RIPOR3: variants seen among roughly 807,000 people sequenced by gnomAD.
RIPOR3 encodes RIPOR family member 3.
Under a neutral mutation model 114.3 loss-of-function variants are expected in RIPOR3, and 95 were observed. The observed-to-expected ratio is 0.83, with a 90% CI of 0.70 to 0.99. RIPOR3 has a LOEUF of 0.99. RIPOR3 is among the 50% of genes least tolerant of loss of function. The pLI is 0.00. For synonymous variants in RIPOR3, 575 were observed against 543.8 expected, an observed-to-expected ratio of 1.06 and a Z score of -0.80; for missense variants, 1,252 against 1,266.9, an observed-to-expected ratio of 0.99 and a Z score of 0.18.
chr20:50,649,091 A>G (rs1209525854), intron 1 of RIPOR3, among the ~76,000 whole-genome samples: 1 of 152,154 alleles, frequency 6.6e-6, no homozygotes, highest in East Asian at 1.9e-4. Flanking sequence ...CTGTTGTCCC[A>G]TGGTGCTTCC....
At chr20:50,651,963 A>G (rs376196037) in intron 1 of RIPOR3, among the ~76,000 whole-genome samples, 1 of 152,222 alleles carries the variant, frequency 6.6e-6, no homozygotes, top group South Asian at 2.1e-4. Flanking sequence ...GTTATTGTGG[A>G]CATGGCGGGG....
chr20:50,617,330 G>A (rs886898491), intron 3 of RIPOR3, among the ~76,000 whole-genome samples: 6 of 152,114 alleles, frequency 3.9e-5, no homozygotes, highest in Non-Finnish European at 7.4e-5. Flanking sequence ...TGGGAAGAAG[G>A]GGCTGCCTTG....
At chr20:50,597,417 G>T in intron 14 of RIPOR3, 163 bp downstream of exon 14, 2 of 1,035,156 alleles carry the variant, frequency 1.9e-6, no homozygotes, top group Middle Eastern at 3.2e-4. Context: ...GGCAAGTGGG[G>T]GATGTGCGGG....
Position 50,619,993 on chromosome 20 carries a change from C to G in RIPOR3, c.262G>C (p.Gly88Arg), listed in dbSNP as rs769797875. Reference sequence around the variant, plus strand: ...CACACAGCCCAGCCTTACTTGAGGCCTCTTTTCAATGCTTCGAAGATCTTC... The same window carrying G: ...CACACAGCCCAGCCTTACTTGAGGCGTCTTTTCAATGCTTCGAAGATCTTC... ...VKKIFEALKR[G>R]LKEYLCVQQA... The change falls in exon 3 of 22, where the codon GGC (glycine) becomes CGC (arginine). Residue 88 changes from glycine (G) to arginine (R), a missense_variant. Physicochemically the swap from Gly to Arg is moderately radical, Grantham distance 125 (BLOSUM62 -2). Transcript: ENST00000327979. 5.6e-6 allele frequency: 9 copies of G among 1,611,750 alleles called. No individual in the cohort carries two copies. The highest frequency in any genetic ancestry group is 6.8e-6 in the Non-Finnish European group (8 of 1,178,026).
At chr20:50,651,969 C>T (rs113028680) in intron 1 of RIPOR3, among the ~76,000 whole-genome samples, 3,830 of 152,284 alleles carry the variant, frequency 0.025, 54 homozygotes, top group Middle Eastern at 0.078. Flanking sequence ...GTGGACATGG[C>T]GGGGCAAAGA....
intron 13 of RIPOR3, 93 bp from the exon 14 acceptor site, chr20:50,597,803 TGTCCCG>T: frequency 6.7e-7 from 1 of 1,500,598 alleles, no homozygotes; most frequent in Non-Finnish European, 8.9e-7. Flanking sequence ...ACTTGGGCAA[TGTCCCG>T]GTCCCAAGCC....
At chr20:50,647,004 G>GT (rs1439044139) in intron 1 of RIPOR3, among the ~76,000 whole-genome samples, 1 of 152,138 alleles carries the variant, frequency 6.6e-6, no homozygotes, top group African/African-American at 2.4e-5. Flanking sequence ...AAAAAGGACA[G>GT]TACTAAGTTT....
At chr20:50,679,155 C>T (rs375514307) in intron 1 of RIPOR3, among the ~76,000 whole-genome samples, 4 of 82,374 alleles carry the variant, frequency 4.9e-5, no homozygotes, top group Non-Finnish European at 7.1e-5. Flanking sequence ...TATATACACA[C>T]ACACACACAC....
chr20:50,654,889 G>T (rs540494837), intron 1 of RIPOR3, among the ~76,000 whole-genome samples: 1 of 152,184 alleles, frequency 6.6e-6, no homozygotes, highest in African/African-American at 2.4e-5. Context: ...GGGACTACAG[G>T]CACGCACCAC....
rs368782177 is a variant in RIPOR3 at position 50,594,536 on chromosome 20, G to A, written c.2212+17C>T. ...GCCTTTCTGTGGGAGGGGACGACAGGACAGAAGGGAACCCACCTATTTCCA... is the reference window on the plus strand; with the variant it reads ...GCCTTTCTGTGGGAGGGGACGACAGAACAGAAGGGAACCCACCTATTTCCA... On this transcript the variant is annotated intron_variant, in intron 17 of 21. Transcript: ENST00000327979. 7 of 1,609,494 alleles carry A rather than the reference G, an allele frequency of 4.3e-6. No homozygotes were observed. Among genetic ancestry groups the A allele is most frequent in the Non-Finnish European group, 5.9e-6 (7 of 1,176,576 alleles).
chr20:50,632,505 C>T (rs554770844), intron 1 of RIPOR3, among the ~76,000 whole-genome samples: 1 of 152,288 alleles, frequency 6.6e-6, no homozygotes, highest in African/African-American at 2.4e-5. Context: ...GCTTCTAGCC[C>T]GGATGGAGGA....
intron 18 of RIPOR3, 133 bp downstream of exon 18, chr20:50,592,902 A>G: frequency 5.8e-6 from 7 of 1,204,618 alleles, no homozygotes; most frequent in Non-Finnish European, 7.0e-6. Flanking sequence ...GCAGAATCTC[A>G]TTAAATCGGG....
intron 1 of RIPOR3, among the ~76,000 whole-genome samples, chr20:50,680,911 C>G (rs2086836181): frequency 6.6e-6 from 1 of 152,164 alleles, no homozygotes; most frequent in Non-Finnish European, 1.5e-5. Flanking sequence ...GGGGAAATTT[C>G]AAGAAGGGGC....
chr20:50,680,253 G>T (rs1296968438), intron 1 of RIPOR3, among the ~76,000 whole-genome samples: 2 of 152,224 alleles, frequency 1.3e-5, no homozygotes, highest in African/African-American at 4.8e-5. Flanking sequence ...ATTACGGCCA[G>T]CGGGGCCCAC....
At chr20:50,594,008 T>C (rs937597427) in intron 17 of RIPOR3, among the ~76,000 whole-genome samples, 24 of 151,998 alleles carry the variant, frequency 1.6e-4, no homozygotes, top group East Asian at 3.9e-4. Context: ...CAGTGGCTCA[T>C]GCCTGTAATC....
At chr20:50,657,065 C>T (rs1394556751) in intron 1 of RIPOR3, among the ~76,000 whole-genome samples, 2 of 152,170 alleles carry the variant, frequency 1.3e-5, no homozygotes, top group East Asian at 1.9e-4. Flanking sequence ...AAGTTGCTTT[C>T]GAGAAAGATT....
intron 1 of RIPOR3, among the ~76,000 whole-genome samples, chr20:50,681,498 T>C (rs2086862186): frequency 6.6e-6 from 1 of 152,106 alleles, no homozygotes; most frequent in Admixed American, 6.6e-5. Flanking sequence ...AGAGCTGGAT[T>C]CAAACCCAGT....
In RIPOR3 at chr20:50,630,104, A is replaced by G. The variant is rs963751243; in HGVS notation, c.122+634T>C. 2.6e-5 allele frequency among the ~76,000 whole-genome samples: 4 copies of G among 152,018 alleles called. No homozygotes were observed. In the East Asian group the frequency reaches 5.8e-4, roughly 22 times the overall value. On this transcript the variant is annotated intron_variant, in intron 2 of 21. Coordinates refer to ENST00000327979, the MANE Select transcript of RIPOR3 (RefSeq NM_001290268.2). Reference sequence around the variant, plus strand: ...CACCTCAGCTTTCCAAGTAGCTGGGATTACAGGCATGTGCCACCACATCCA... The same window carrying G: ...CACCTCAGCTTTCCAAGTAGCTGGGGTTACAGGCATGTGCCACCACATCCA...
chr20:50,620,628 AAAATAAATAAATAAATAAATAAATAAAT>A (rs146738887), intron 2 of RIPOR3: 35 of 162,692 alleles, frequency 2.2e-4, no homozygotes, highest in Middle Eastern at 5.2e-3. Context: ...CTCAGTCTTA[AAAATAAATAAATAAATAAATAAATAAAT>A]AAATAAATAA....
Sources: gnomAD v4.1 joint callset for allele counts (sites outside exome capture counted in the v4.1 genomes callset) on GRCh38, gnomAD v4.1.1 for gene constraint, MANE v1.5 for transcripts, NCBI Gene and HGNC (gene_info 2026-07-23, HGNC 2026-07-21) for gene names.